The following STRA8 variants were observed in gnomAD, a reference collection of about 807,000 sequenced individuals.
STRA8 encodes the protein stimulated by retinoic acid gene 8 protein homolog.
STRA8 carries 18 observed loss-of-function variants against 37.1 expected under a neutral mutation model. That is an observed-to-expected ratio of 0.48 (90% CI 0.34 to 0.72). The LOEUF is 0.72. Ranked by LOEUF, STRA8 falls within the 30% of genes least tolerant of loss-of-function variation. The pLI is 0.01. For missense variants in STRA8, 357 were observed against 410.4 expected, an observed-to-expected ratio of 0.87 and a Z score of 1.13; for synonymous variants, 168 against 162.9, an observed-to-expected ratio of 1.03 and a Z score of -0.24.
At chr7:135,232,139 C>T (rs2117775722), upstream of STRA8, 1 of 1,110,282 alleles carries the variant, frequency 9.0e-7, no homozygotes, top group East Asian at 2.4e-5. Flanking sequence ...GGTGGGGTGA[C>T]TACATGAAAG....
chr7:135,240,501 C>T lies in STRA8; in HGVS notation c.-6-18C>T, dbSNP rs1281306178. The T allele has an allele frequency of 1.3e-6, 2 of 1,572,218 alleles. No individual in the cohort carries two copies. Among genetic ancestry groups the T allele is most frequent in the Non-Finnish European group, 1.7e-6 (2 of 1,157,060 alleles). ...TTATTATCTAGGGCAAAAAAAAAAGCATACTATTACATTACAGCTTATAAT... is the reference window on the plus strand; with the variant it reads ...TTATTATCTAGGGCAAAAAAAAAAGTATACTATTACATTACAGCTTATAAT... On this transcript the variant is annotated intron_variant, in intron 1 of 8. Coordinates refer to ENST00000662584, the MANE Select transcript of STRA8 (RefSeq NM_001394401.1).
At position 135,246,496 on chromosome 7, in the gene STRA8, A is replaced by C. The variant is rs767300268; in HGVS notation, c.673A>C (p.Ile225Leu). The C allele has an allele frequency of 1.3e-6, 2 of 1,580,018 alleles. No homozygotes were observed. The highest frequency in any genetic ancestry group is 2.7e-5 in the African/African-American group (2 of 74,128). ...TACCCCGCAGGAGGCGGCGCTGCCC[A>C]TCGTCTCCGCGGCCATCTCCCACCT... Reference protein sequence around the residue: ...IITPQEAALPIVSAAISHLWQ... With the variant: ...IITPQEAALPLVSAAISHLWQ... Residue 225 changes from isoleucine (I) to leucine (L), a missense_variant, in exon 6 of 9, where the codon ATC becomes CTC. Physicochemically the swap from Ile to Leu is conservative, Grantham distance 5. Transcript: ENST00000662584. This position sits in a 1 kb window ranked among gnomAD's most constrained non-coding sequence, Gnocchi z 5.4.
At chr7:135,236,581 A>G (rs1343715471) in intron 1 of STRA8, among the ~76,000 whole-genome samples, 2 of 152,182 alleles carry the variant, frequency 1.3e-5, no homozygotes, top group Non-Finnish European at 2.9e-5. Flanking sequence ...AAGTCTGGAT[A>G]GGATATCCAG....
At chr7:135,232,492 A>AGC (rs1832308202), upstream of STRA8, among the ~76,000 whole-genome samples, 1 of 152,060 alleles carries the variant, frequency 6.6e-6, no homozygotes, top group Non-Finnish European at 1.5e-5. Flanking sequence ...AAAAATTAAA[A>AGC]ATTAGCATGG....
In STRA8 at chr7:135,248,965, C is replaced by CA. The variant is rs35312348; in HGVS notation, c.879+2270dup. The stretch of plus-strand genomic sequence containing the variant: ...ACATGCGTTCTGTTCCATGATGGCT[C>CA]AAAAAAAGCCAGAAGATTAGGACCT... On this transcript the variant is annotated intron_variant, in intron 6 of 8. Coordinates refer to ENST00000662584, the MANE Select transcript of STRA8 (RefSeq NM_001394401.1). 3.3e-5 allele frequency among the ~76,000 whole-genome samples: 5 copies of CA among 151,890 alleles called. No individual in the cohort carries two copies. The South Asian group carries it at 1.0e-3, about 32-fold the overall frequency.
chr7:135,243,873 C>G (rs935462975), intron 4 of STRA8, among the ~76,000 whole-genome samples: 20 of 152,168 alleles, frequency 1.3e-4, no homozygotes, highest in African/African-American at 4.6e-4. Flanking sequence ...AAATCTCAGT[C>G]TATATTCCAA....
chr7:135,247,936 C>T (rs571499159), intron 6 of STRA8, among the ~76,000 whole-genome samples: 1 of 152,366 alleles, frequency 6.6e-6, no homozygotes, highest in South Asian at 2.1e-4. Context: ...GCAGCCGATT[C>T]GCATTCTGCA....
At position 135,242,769 on chromosome 7, in the gene STRA8, G is replaced by A. The variant is rs1359558343; in HGVS notation, c.193-12G>A. On this transcript the variant is annotated splice_polypyrimidine_tract_variant and intron_variant, in intron 2 of 8. Transcript: ENST00000662584. ...GAGGCTGGCTTTCAGCATTGTCTCT[G>A]TCTATCCTCAGTGGCAGGTTCTGAA... is the stretch of plus-strand genomic sequence containing the variant. 2.5e-6 allele frequency: 4 copies of A among 1,613,904 alleles called. No homozygotes were observed. Among genetic ancestry groups the A allele is most frequent in the Non-Finnish European group, 3.4e-6 (4 of 1,179,890 alleles).
At chr7:135,257,499 A>G (rs1281071489) in intron 8 of STRA8, among the ~76,000 whole-genome samples, 1 of 151,548 alleles carries the variant, frequency 6.6e-6, no homozygotes, top group Non-Finnish European at 1.5e-5. Context: ...ATCTTGGATC[A>G]CTGCAACCTC....
chr7:135,235,846 T>C (rs921920272), intron 1 of STRA8, among the ~76,000 whole-genome samples: 7 of 152,212 alleles, frequency 4.6e-5, no homozygotes, highest in African/African-American at 1.7e-4. Flanking sequence ...TGGTGGCTCA[T>C]GCCTGTAAAG....
At chr7:135,249,904 A>G (rs1287640249) in intron 6 of STRA8, among the ~76,000 whole-genome samples, 1 of 152,250 alleles carries the variant, frequency 6.6e-6, no homozygotes, top group African/African-American at 2.4e-5. Context: ...GGAAGCTGGC[A>G]GCAGATTCCC....
intron 8 of STRA8, 104 bp downstream of exon 8, chr7:135,255,329 GA>G: frequency 1.2e-6 from 1 of 814,450 alleles, no homozygotes; most frequent in South Asian, 1.5e-5. Context: ...ATCATACCAT[GA>G]GGAGCCACTG....
chr7:135,242,091 AAGGG>A lies in STRA8; in HGVS notation c.193-672_193-669del, dbSNP rs1391853699. On this transcript the variant is annotated intron_variant, in intron 2 of 8. Coordinates refer to ENST00000662584, the MANE Select transcript of STRA8 (RefSeq NM_001394401.1). ...GAAAGAAAAAGGAAGGAAGGAAAGG[AAGGG>A]AGGGAGGGAGGGAGGGAAAAAAGGA... Among the ~76,000 whole-genome samples, 144 of 136,958 alleles carry A rather than the reference AAGGG, an allele frequency of 1.1e-3. 1 individual carries two copies. The highest frequency in any genetic ancestry group is 2.8e-3 in the African/African-American group (107 of 37,610). The allele number at this position is 136,958 out of a possible 152,430, so 89.8% of individuals were successfully genotyped here.
intron 8 of STRA8, among the ~76,000 whole-genome samples, chr7:135,256,678 G>A (rs1254821994): frequency 6.6e-6 from 1 of 152,164 alleles, no homozygotes; most frequent in Non-Finnish European, 1.5e-5. Context: ...GGTGGTACAT[G>A]CCTGTAGTCC....
rs779549829 is a variant in STRA8 at position 135,246,392 on chromosome 7, C to G, written c.594-25C>G. ...GCTTCGAGAGGGAGCTTTAGGGGTG[C>G]GAGACGGCGCCGCTTCTGTTCCAGG... On this transcript the variant is annotated intron_variant, in intron 5 of 8. Coordinates refer to ENST00000662584, the MANE Select transcript of STRA8 (RefSeq NM_001394401.1). This position sits in a 1 kb window ranked among gnomAD's most constrained non-coding sequence, Gnocchi z 5.4. The G allele has an allele frequency of 6.3e-7, 1 of 1,584,612 alleles. No homozygotes were observed. The highest frequency in any genetic ancestry group is 8.6e-7 in the Non-Finnish European group (1 of 1,163,884).
chr7:135,245,812 TG>T (rs373023992), intron 5 of STRA8, among the ~76,000 whole-genome samples: 24 of 152,216 alleles, frequency 1.6e-4, no homozygotes, highest in African/African-American at 5.5e-4. Flanking sequence ...GGGTGCCTTG[TG>T]GGGGGCACAG....
chr7:135,238,704 A>G (rs534253429), intron 1 of STRA8, among the ~76,000 whole-genome samples: 2 of 152,356 alleles, frequency 1.3e-5, no homozygotes, highest in African/African-American at 4.8e-5. Context: ...AGTAAAAACA[A>G]AAAACAAAAA....
intron 6 of STRA8, among the ~76,000 whole-genome samples, chr7:135,249,175 A>T (rs956833954): frequency 6.6e-6 from 1 of 152,250 alleles, no homozygotes; most frequent in African/African-American, 2.4e-5. Flanking sequence ...TGGAGCATAT[A>T]TGGAAACCTG....
At chr7:135,241,825 T>A (rs548340914) in intron 2 of STRA8, among the ~76,000 whole-genome samples, 1 of 152,250 alleles carries the variant, frequency 6.6e-6, no homozygotes, top group South Asian at 2.1e-4. Context: ...GTACTCTGTA[T>A]CCCTGGGACT....
Sources: gnomAD v4.1 joint callset for allele counts (sites outside exome capture counted in the v4.1 genomes callset) on GRCh38, gnomAD v4.1.1 for gene constraint, Gnocchi (gnomAD v3.1) non-coding constraint, MANE v1.5 for transcripts, NCBI Gene and HGNC (gene_info 2026-07-23, HGNC 2026-07-21) for gene names.